The following CMYA5 variants were observed in gnomAD, a reference collection of about 807,000 sequenced individuals.
CMYA5 encodes the protein cardiomyopathy-associated protein 5.
A neutral mutation model predicts 318.9 loss-of-function variants in CMYA5; 246 were observed. The observed-to-expected ratio is 0.77, with a 90% CI of 0.70 to 0.86. CMYA5 has a LOEUF of 0.86. CMYA5 is among the 40% of genes least tolerant of loss of function. The pLI is 0.00. For synonymous variants in CMYA5, 1,641 were observed against 1,729.5 expected (o/e 0.95, Z 1.27); for missense variants, 4,589 against 4,678.2 (o/e 0.98, Z 0.56).
At chr5:79,742,139 T>G (rs1828227648) in intron 2 of CMYA5, among the ~76,000 whole-genome samples, 1 of 147,506 alleles carries the variant, frequency 6.8e-6, no homozygotes, top group Non-Finnish European at 1.5e-5. Flanking sequence ...CTCCTCCCCT[T>G]CTTCCTCCCC....
chr5:79,763,043 CCTGA>C lies in CMYA5; in HGVS notation c.11408-16_11408-13del, dbSNP rs1561223421. The C allele has an allele frequency of 6.2e-7, 1 of 1,607,192 alleles. No homozygotes were observed. Among genetic ancestry groups the C allele is most frequent in the Non-Finnish European group, 8.5e-7 (1 of 1,175,104 alleles). On this transcript the variant is annotated splice_polypyrimidine_tract_variant and intron_variant, in intron 8 of 12. Coordinates refer to ENST00000446378, the MANE Select transcript of CMYA5 (RefSeq NM_153610.5). The stretch of plus-strand genomic sequence containing the variant: ...CAAGCTGGCATTGCTCCACGACTGT[CCTGA>C]CTCTCTTTCTGCAGCACCCTCCACC...
intron 9 of CMYA5, among the ~76,000 whole-genome samples, chr5:79,769,874 C>T (rs1188548192): frequency 2.6e-5 from 4 of 152,192 alleles, no homozygotes; most frequent in Admixed American, 6.5e-5. Flanking sequence ...CAGGCTGGAA[C>T]GTTTAAGTCT....
rs1041079980 is a variant in CMYA5, at chr5:79,786,724, G to C, written c.11556-2247G>C. Among the ~76,000 whole-genome samples the C allele has an allele frequency of 9.2e-5, 14 of 152,208 alleles. 1 individual carries two copies. The highest frequency in any genetic ancestry group is 2.4e-5 in the African/African-American group (1 of 41,464). On this transcript the variant is annotated intron_variant, in intron 9 of 12. Coordinates refer to ENST00000446378, the MANE Select transcript of CMYA5 (RefSeq NM_153610.5). ...AAAAAGCAGGGACAGCTGACATGAA[G>C]ACTTTGGTGACATCTGAGTGGAGTC...
chr5:79,707,363 TACAC>T (rs1190827468), intron 1 of CMYA5, among the ~76,000 whole-genome samples: 7 of 152,332 alleles, frequency 4.6e-5, no homozygotes, highest in African/African-American at 1.7e-4. Flanking sequence ...GAACACATAA[TACAC>T]ACTCAAAGAT....
At position 79,722,204 on chromosome 5, in the gene CMYA5, A is replaced by G. The variant is rs554150246; in HGVS notation, c.150-6711A>G. Among the ~76,000 whole-genome samples, 13 of 152,372 alleles carry G rather than the reference A, an allele frequency of 8.5e-5. No homozygotes were observed. In the East Asian group the frequency reaches 1.3e-3, roughly 16 times the overall value. On this transcript the variant is annotated intron_variant, in intron 1 of 12. Transcript: ENST00000446378. The stretch of plus-strand genomic sequence containing the variant: ...TTTGAAATTGCAAAATACATTTTCA[A>G]ATAATCTATGGGCCATATATGAAAT...
intron 1 of CMYA5, among the ~76,000 whole-genome samples, chr5:79,722,276 G>A (rs1827654467): frequency 6.6e-6 from 1 of 152,154 alleles, no homozygotes; most frequent in African/African-American, 2.4e-5. Context: ...CTTTTAAAAT[G>A]CTATATATCA....
rs1827813267 is a variant in CMYA5, at chr5:79,729,124, A to G, written c.359A>G (p.Asn120Ser). ...TCAACTGTGAATTCTCCTCCTGGAAATGTTTCCTTTATTGTGGATGAAGTG... is the reference window on the plus strand; with the variant it reads ...TCAACTGTGAATTCTCCTCCTGGAAGTGTTTCCTTTATTGTGGATGAAGTG... Reference protein sequence around the residue: ...EGSTVNSPPGNVSFIVDEVKK... With the variant: ...EGSTVNSPPGSVSFIVDEVKK... The change falls in exon 2 of 13, where the codon AAT becomes AGT. Residue 120 changes from asparagine (N) to serine (S), a missense_variant. Coordinates refer to ENST00000446378, the MANE Select transcript of CMYA5 (RefSeq NM_153610.5). The G allele has an allele frequency of 6.2e-7, 1 of 1,613,320 alleles. No homozygotes were observed. The highest frequency in any genetic ancestry group is 1.1e-5 in the South Asian group (1 of 90,920).
chr5:79,764,997 A>T (rs1317048592), intron 9 of CMYA5, among the ~76,000 whole-genome samples: 1 of 151,958 alleles, frequency 6.6e-6, no homozygotes, highest in African/African-American at 2.4e-5. Context: ...GTTTAATTAG[A>T]TCCCACTGGT....
At chr5:79,758,329 C>T (rs1395960720) in intron 6 of CMYA5, among the ~76,000 whole-genome samples, 6 of 151,384 alleles carry the variant, frequency 4.0e-5, no homozygotes, top group East Asian at 1.9e-4. Context: ...GTCAGAAGTT[C>T]GAGACCATCC....
intron 1 of CMYA5, among the ~76,000 whole-genome samples, chr5:79,724,341 T>G (rs1827705714): frequency 6.6e-6 from 1 of 152,108 alleles, no homozygotes; most frequent in Non-Finnish European, 1.5e-5. Context: ...AAAAATTGTT[T>G]AATAAAACTT....
intron 1 of CMYA5, among the ~76,000 whole-genome samples, chr5:79,715,034 CTATG>C (rs1827486083): frequency 6.6e-6 from 1 of 152,030 alleles, no homozygotes; most frequent in African/African-American, 2.4e-5. Context: ...TTAAGGGAGA[CTATG>C]TAGATTAATT....
chr5:79,734,854 G>A lies in CMYA5; in HGVS notation c.6089G>A (p.Trp2030Ter), dbSNP rs1352379265. ...LLEKANTELS[W>*]PSKEDSQEKI... ...GAGAAAGCAAACACAGAGCTTTCCT[G>A]GCCTTCCAAAGAAGATAGCCAGGAA... The change falls in exon 2 of 13, where the codon TGG (tryptophan) becomes TAG (stop). Residue 2030 changes from tryptophan to a stop codon, truncating the protein, a stop_gained. Transcript: ENST00000446378. LOFTEE classifies it high-confidence loss of function. 1.9e-6 allele frequency: 3 copies of A among 1,613,714 alleles called. No homozygotes were observed. The highest frequency in any genetic ancestry group is 1.7e-6 in the Non-Finnish European group (2 of 1,179,792).
chr5:79,698,687 C>G (rs2151074985), intron 1 of CMYA5, among the ~76,000 whole-genome samples: 1 of 152,372 alleles, frequency 6.6e-6, no homozygotes, highest in African/African-American at 2.4e-5. Context: ...TTCTTGTCTT[C>G]CGTGGTCACA....
At chr5:79,704,478 C>A (rs1827233607) in intron 1 of CMYA5, among the ~76,000 whole-genome samples, 2 of 152,092 alleles carry the variant, frequency 1.3e-5, no homozygotes, top group South Asian at 4.1e-4. Flanking sequence ...CATCCTTCAT[C>A]AAAGCAAGTC....
At chr5:79,739,479 T>TA (rs1828168652) in intron 2 of CMYA5, 76 bp downstream of exon 2, 2 of 1,075,346 alleles carry the variant, frequency 1.9e-6, no homozygotes, top group East Asian at 5.6e-5. Flanking sequence ...TTCTCAATTT[T>TA]AAAGATGATT....
chr5:79,738,447 T>C lies in CMYA5; in HGVS notation c.9682T>C (p.Ser3228Pro), dbSNP rs1580777124. The C allele has an allele frequency of 6.8e-6, 11 of 1,613,746 alleles. No individual in the cohort carries two copies. The highest frequency in any genetic ancestry group is 7.6e-6 in the Non-Finnish European group (9 of 1,179,834). ...TGAGGCATCATTTCCCAGCAGAAAT[T>C]CTGACACTGATGATGGAACAGGAAT... ...NSEASFPSRN[S>P]DTDDGTGIYF... The change falls in exon 2 of 13, where the codon TCT becomes CCT. Residue 3228 changes from serine to proline, a missense_variant. By Grantham distance (74) the Ser-to-Pro change is moderately conservative. Coordinates refer to ENST00000446378, the MANE Select transcript of CMYA5 (RefSeq NM_153610.5).
intron 1 of CMYA5, among the ~76,000 whole-genome samples, chr5:79,717,893 T>TGCTGAACTGTTATTCAGCAATGCATA (rs1339573535): frequency 8.0e-4 from 75 of 93,378 alleles, no homozygotes; most frequent in South Asian, 2.3e-3. Context: ...TATTTTTTTT[T>TGCTGAACTGTTATTCAGCAATGCATA]TTTTTTTTTT....
rs753052226 is a variant in CMYA5 at position 79,735,421 on chromosome 5, C to A, written c.6656C>A (p.Pro2219His). 6.2e-6 allele frequency: 10 copies of A among 1,613,872 alleles called. No individual in the cohort carries two copies. Among genetic ancestry groups the A allele is most frequent in the Non-Finnish European group, 8.5e-6 (10 of 1,179,808 alleles). The change falls in exon 2 of 13, where the codon CCT becomes CAT. Residue 2219 changes from proline (P) to histidine (H), a missense_variant. Pro to His is a moderately conservative substitution (Grantham distance 77). This residue lies in a region of CMYA5 where 2,431 missense variants were observed against 2,495.1 expected (regional missense o/e 0.97). Transcript: ENST00000446378. ...GAAAAAGCAGTGACTGTGATAGATC[C>A]TGAAGGTACAATTCCCACCAATTTT... is the stretch of plus-strand genomic sequence containing the variant. ...SVEKAVTVIDPEGTIPTNFNV... is the reference protein window; with the variant it reads ...SVEKAVTVIDHEGTIPTNFNV...
chr5:79,693,911 G>A (rs926500491), intron 1 of CMYA5, among the ~76,000 whole-genome samples: 1 of 152,192 alleles, frequency 6.6e-6, no homozygotes, highest in Non-Finnish European at 1.5e-5. Flanking sequence ...ATAAATGGGT[G>A]GGGTATATTT....
Sources: gnomAD v4.1 joint callset for allele counts (sites outside exome capture counted in the v4.1 genomes callset) on GRCh38, gnomAD v4.1.1 for gene constraint, gnomAD v4.1.1 regional missense constraint, MANE v1.5 for transcripts, NCBI Gene and HGNC (gene_info 2026-07-23, HGNC 2026-07-21) for gene names.